Variants in GALNT13 observed in about 807,000 individuals in gnomAD.
GALNT13 encodes the protein UDP-GalNAc:polypeptide N-acetylgalactosaminyltransferase 13.
A neutral mutation model predicts 64.2 loss-of-function variants in GALNT13; 28 were observed. The ratio of observed to expected loss-of-function variants is 0.44; its 90% CI spans 0.32 to 0.60. The LOEUF is 0.60. GALNT13 is among the 20% of genes least tolerant of loss of function. The probability of loss-of-function intolerance (pLI) is 0.05; values close to 1 mark genes in which losing one functional copy is unlikely to be tolerated. For synonymous variants in GALNT13, 214 were observed against 224.6 expected, an observed-to-expected ratio of 0.95 and a Z score of 0.42; for missense variants, 577 against 669.8, an observed-to-expected ratio of 0.86 and a Z score of 1.53.
At chr2:154,014,383 T>C (rs1390671286) in intron 3 of GALNT13, among the ~76,000 whole-genome samples, 2 of 151,892 alleles carry the variant, frequency 1.3e-5, no homozygotes, top group South Asian at 2.1e-4. Context: ...TTCCCCAGTA[T>C]TCACTGGGGG....
At chr2:154,430,636 G>A (rs1183506604) in intron 11 of GALNT13, among the ~76,000 whole-genome samples, 1 of 152,088 alleles carries the variant, frequency 6.6e-6, no homozygotes, top group East Asian at 1.9e-4. Flanking sequence ...GGTTTTGAGA[G>A]GATTAATTCA....
At chr2:153,702,501 G>A in the GALNT13 span, among the ~76,000 whole-genome samples, 15 of 151,992 alleles carry the variant, frequency 9.9e-5, no homozygotes, top group South Asian at 2.1e-4. Context: ...GCTTAGGCCC[G>A]TATGGTAAAT....
At chr2:153,921,287 C>G (rs893881202) in intron 2 of GALNT13, among the ~76,000 whole-genome samples, 1 of 151,942 alleles carries the variant, frequency 6.6e-6, no homozygotes, top group African/African-American at 2.4e-5. Flanking sequence ...AAATACTATA[C>G]GGACACAAAA....
intron 9 of GALNT13, among the ~76,000 whole-genome samples, chr2:154,373,910 T>A (rs1228961945): frequency 6.6e-6 from 1 of 152,176 alleles, no homozygotes; most frequent in Non-Finnish European, 1.5e-5. Context: ...TTATTTAAGA[T>A]TTCATACTTC....
intron 3 of GALNT13, among the ~76,000 whole-genome samples, chr2:154,117,171 G>A (rs1021593456): frequency 5.9e-5 from 9 of 151,810 alleles, no homozygotes; most frequent in Admixed American, 3.3e-4. Flanking sequence ...ATTAAGTTTG[G>A]TTCACCTTTC....
chr2:154,219,602 A>T (rs1173459627), intron 4 of GALNT13, among the ~76,000 whole-genome samples: 2 of 152,158 alleles, frequency 1.3e-5, no homozygotes, highest in Non-Finnish European at 2.9e-5. Flanking sequence ...CAAATTCACC[A>T]CTTCAGCTCT....
At chr2:153,852,629 TGAA>T in the GALNT13 span, among the ~76,000 whole-genome samples, 1 of 152,144 alleles carries the variant, frequency 6.6e-6, no homozygotes, top group African/African-American at 2.4e-5. Context: ...ATGAAAGACT[TGAA>T]GAACACTATC....
chr2:154,310,149 A>G (rs1274696679), intron 9 of GALNT13, among the ~76,000 whole-genome samples: 2 of 152,196 alleles, frequency 1.3e-5, no homozygotes, highest in Admixed American at 1.3e-4. Flanking sequence ...GGTTTGATGT[A>G]ATTCCCCCCA....
the GALNT13 span, among the ~76,000 whole-genome samples, chr2:153,571,038 T>C: frequency 6.6e-6 from 1 of 152,060 alleles, no homozygotes; most frequent in African/African-American, 2.4e-5. Context: ...ATTTGTAGAT[T>C]GCCTTGGGTA....
At chr2:153,329,270 A>C in the GALNT13 span, among the ~76,000 whole-genome samples, 1 of 152,088 alleles carries the variant, frequency 6.6e-6, no homozygotes. Context: ...CAGCCTCCCC[A>C]ATTTGTTTTC....
the GALNT13 span, among the ~76,000 whole-genome samples, chr2:153,681,010 C>T: frequency 4.6e-5 from 7 of 152,032 alleles, no homozygotes; most frequent in East Asian, 7.7e-4. Flanking sequence ...ACCTCTGGGT[C>T]TGAGAAGACA....
At chr2:153,345,685 TTCTTTCTTTCTTTCTTTC>T in the GALNT13 span, among the ~76,000 whole-genome samples, 4 of 141,868 alleles carry the variant, frequency 2.8e-5, no homozygotes, top group East Asian at 8.3e-4. Flanking sequence ...CTTTCTTTCT[TTCTTTCTTTCTTTCTTTC>T]TCTTTCTCTC....
the GALNT13 span, among the ~76,000 whole-genome samples, chr2:153,397,100 C>T: frequency 6.6e-6 from 1 of 152,130 alleles, no homozygotes; most frequent in Non-Finnish European, 1.5e-5. Context: ...ATTGCTTCTT[C>T]TATAAGTATA....
intron 3 of GALNT13, among the ~76,000 whole-genome samples, chr2:153,985,233 C>T (rs1054677947): frequency 6.6e-6 from 1 of 151,966 alleles, no homozygotes; most frequent in African/African-American, 2.4e-5. Flanking sequence ...CTCAGCTAAG[C>T]GCATCACGTT....
At chr2:153,605,721 C>A in the GALNT13 span, among the ~76,000 whole-genome samples, 1 of 152,082 alleles carries the variant, frequency 6.6e-6, no homozygotes, top group South Asian at 2.1e-4. Flanking sequence ...TCACTTCTTT[C>A]CACACATGTA....
the GALNT13 span, among the ~76,000 whole-genome samples, chr2:153,179,346 A>G: frequency 6.6e-6 from 1 of 152,216 alleles, no homozygotes; most frequent in Non-Finnish European, 1.5e-5. Flanking sequence ...ACCTTTATTG[A>G]AAATCAATTG....
At chr2:153,937,621 T>C (rs556119541) in intron 2 of GALNT13, among the ~76,000 whole-genome samples, 6 of 152,276 alleles carry the variant, frequency 3.9e-5, no homozygotes, top group African/African-American at 1.2e-4. Flanking sequence ...TTATCAGATA[T>C]ATGAATTATA....
chr2:153,144,268 A>G, the GALNT13 span, among the ~76,000 whole-genome samples: 2 of 152,064 alleles, frequency 1.3e-5, no homozygotes, highest in East Asian at 3.9e-4. Context: ...GGAAAGGAGA[A>G]TGGAGATCTA....
At chr2:153,433,145 C>A in the GALNT13 span, among the ~76,000 whole-genome samples, 34 of 152,022 alleles carry the variant, frequency 2.2e-4, no homozygotes, top group African/African-American at 8.0e-4. Flanking sequence ...AATGAAGAGA[C>A]TATTTATTCT....
Sources: allele counts gnomAD v4.1 joint callset (sites outside exome capture counted in the v4.1 genomes callset), GRCh38; gene constraint gnomAD v4.1.1; transcripts MANE v1.5; gene names NCBI Gene and HGNC (gene_info 2026-07-23, HGNC 2026-07-21).